The following DCAF4 variants were observed in gnomAD, a reference collection of about 807,000 sequenced individuals.
The protein encoded by DCAF4 is DDB1 and CUL4 associated factor 4.
A neutral mutation model predicts 60.9 loss-of-function variants in DCAF4; 37 were observed. The observed-to-expected ratio is 0.61, with a 90% confidence interval of 0.47 to 0.80. The LOEUF (loss-of-function observed/expected upper bound fraction) is 0.80. DCAF4 is among the 30% of genes least tolerant of loss of function. The pLI is 0.00. For missense variants in DCAF4, 577 were observed against 650.0 expected (o/e 0.89, Z 1.22); for synonymous variants, 243 against 254.8 (o/e 0.95, Z 0.44).
intron 13 of DCAF4, 58 bp from the exon 14 acceptor site, chr14:72,958,553 AG>A: frequency 6.3e-7 from 1 of 1,593,948 alleles, no homozygotes; most frequent in Non-Finnish European, 8.6e-7. Context: ...GTCCACATGT[AG>A]GTAAGTTTTC....
At chr14:72,940,557 C>T in intron 4 of DCAF4, 180 bp downstream of exon 4, 2 of 534,230 alleles carry the variant, frequency 3.7e-6, no homozygotes, top group Non-Finnish European at 6.2e-6. Flanking sequence ...CAAGAGCCCC[C>T]TTCTTCCATC....
chr14:72,927,228 C>A (rs997132766), intron 1 of DCAF4, among the ~76,000 whole-genome samples: 1 of 152,166 alleles, frequency 6.6e-6, no homozygotes, highest in African/African-American at 2.4e-5. Flanking sequence ...CTTGTGACTC[C>A]AGCAGCGCAG....
intron 12 of DCAF4, among the ~76,000 whole-genome samples, 183 bp downstream of exon 12, chr14:72,955,879 G>A (rs528558424): frequency 5.5e-5 from 8 of 146,314 alleles, no homozygotes; most frequent in South Asian, 2.2e-4. Flanking sequence ...CTAATCTGAC[G>A]TAAACAAAAG....
chr14:72,942,759 CTT>C (rs1186298580), intron 5 of DCAF4: 16 of 519,110 alleles, frequency 3.1e-5, no homozygotes, highest in Non-Finnish European at 5.6e-5. Flanking sequence ...AACTCCCACT[CTT>C]TGACTCTGCA....
chr14:72,940,404 G>C (rs1375474049), intron 4 of DCAF4, 27 bp downstream of exon 4: 1 of 1,587,942 alleles, frequency 6.3e-7, no homozygotes, highest in Admixed American at 1.9e-5. Context: ...TTCGCCCCCT[G>C]TCCTCTCCGC....
At chr14:72,935,202 T>G (rs182435291) in intron 1 of DCAF4, 12 of 152,280 alleles carry the variant, frequency 7.9e-5, no homozygotes, top group African/African-American at 2.4e-4. Context: ...GTCTTTGTCC[T>G]AGCCTTTAAA....
Position 72,951,884 on chromosome 14 carries a change from G to C in DCAF4, c.808+7G>C. On this transcript the variant is annotated splice_region_variant and intron_variant, in intron 9 of 13. Coordinates refer to ENST00000358377, the MANE Select transcript of DCAF4 (RefSeq NM_015604.4). ...TTCGTCAATAGTCACCCAGGTACAGGGTTCTCCTCCTTTAAAGAAATCTGT... is the reference window on the plus strand; with the variant it reads ...TTCGTCAATAGTCACCCAGGTACAGCGTTCTCCTCCTTTAAAGAAATCTGT... The C allele has an allele frequency of 6.2e-7, 1 of 1,614,100 alleles. No homozygotes were observed. The highest frequency in any genetic ancestry group is 1.1e-5 in the South Asian group (1 of 91,078).
chr14:72,933,139 T>TA (rs1019609880), intron 1 of DCAF4, among the ~76,000 whole-genome samples: 8 of 147,958 alleles, frequency 5.4e-5, no homozygotes, highest in Admixed American at 1.3e-4. Context: ...AGTAGCAGCC[T>TA]ACCCCTCCTT....
rs762408052 is a variant in DCAF4, at chr14:72,929,843, G to A, written c.-9+3300G>A. 1.5e-5 allele frequency: 21 copies of A among 1,425,436 alleles called. 1 individual carries two copies. Among genetic ancestry groups the A allele is most frequent in the South Asian group, 2.4e-5 (2 of 84,496 alleles). The allele number at this position is 1,425,436 out of a possible 1,614,324, so 88.3% of individuals were successfully genotyped here. On this transcript the variant is annotated intron_variant, in intron 1 of 13. Transcript: ENST00000358377. ...TTGGTGCGTTTGCTCAGACGCCCGC[G>A]GCGGCGGCTGTGCCTGGGCTTGCTC...
rs1555527975 is a variant in DCAF4, at chr14:72,953,826, G to GTA, written c.809-337_809-336insAT. On this transcript the variant is annotated intron_variant, in intron 9 of 13. Coordinates refer to ENST00000358377, the MANE Select transcript of DCAF4 (RefSeq NM_015604.4). Reference sequence around the variant, plus strand: ...TGTGTGTGTGTGTGTGTGTGTGTGTGTGTATATACACACACACTTGCCTGA... The same window carrying GTA: ...TGTGTGTGTGTGTGTGTGTGTGTGTGTATGTATATACACACACACTTGCCTGA... Among the ~76,000 whole-genome samples, 385 of 86,584 alleles carry GTA rather than the reference G, an allele frequency of 4.4e-3. 22 individuals carry two copies. The highest frequency in any genetic ancestry group is 0.016 in the African/African-American group (344 of 22,042). 56.8% of individuals were successfully genotyped at this position (86,584 alleles called of 152,430 possible). A position where few individuals can be genotyped will look rare whatever the true frequency, so the allele number is the denominator to read the frequency against.
At chr14:72,942,959 T>G (rs1430086496) in intron 5 of DCAF4, 35 bp from the exon 6 acceptor site, 2 of 1,599,780 alleles carry the variant, frequency 1.3e-6, no homozygotes, top group Non-Finnish European at 1.7e-6. Flanking sequence ...GGATGTCAGC[T>G]TCAGCATCCA....
At chr14:72,955,914 C>CTT (rs71109770) in intron 12 of DCAF4, among the ~76,000 whole-genome samples, 1,095 of 54,774 alleles carry the variant, frequency 0.02, 122 homozygotes, top group Non-Finnish European at 0.026. Flanking sequence ...TGGTTATGTC[C>CTT]TTTTTTTTTT....
At chr14:72,927,171 CT>C (rs930322727) in intron 1 of DCAF4, among the ~76,000 whole-genome samples, 5 of 152,306 alleles carry the variant, frequency 3.3e-5, no homozygotes, top group African/African-American at 1.2e-4. Context: ...TCCCCGGGGG[CT>C]TCAGAAACCA....
At chr14:72,949,709 A>G (rs906880099) in intron 8 of DCAF4, among the ~76,000 whole-genome samples, 12 of 152,214 alleles carry the variant, frequency 7.9e-5, no homozygotes, top group African/African-American at 2.9e-4. Context: ...GTGAGCCAAG[A>G]TTGCGCCACT....
chr14:72,951,765 T>G lies in DCAF4; in HGVS notation c.729-33T>G. 5 of 1,610,712 alleles carry G rather than the reference T, an allele frequency of 3.1e-6. No individual in the cohort carries two copies. In the South Asian group the frequency reaches 5.5e-5, roughly 18 times the overall value. ...CCATGCCTCCTCCCAGAGGGGAGCC[T>G]TGTGCCTAACTGTCCTTAACAGCTT... On this transcript the variant is annotated intron_variant, in intron 8 of 13. Transcript: ENST00000358377.
At chr14:72,940,587 A>ATT in intron 4 of DCAF4, 58 of 337,380 alleles carry the variant, frequency 1.7e-4, no homozygotes, top group Admixed American at 2.7e-4. Flanking sequence ...TTGTTCGATA[A>ATT]GTTGTTTTTT....
At chr14:72,951,746 C>T (rs1019366319) in intron 8 of DCAF4, 52 bp from the exon 9 acceptor site, 2 of 1,572,756 alleles carry the variant, frequency 1.3e-6, no homozygotes, top group African/African-American at 1.3e-5. Flanking sequence ...ATGTCCATGC[C>T]TCCTCCCAGA....
chr14:72,928,187 C>CTTTTTTTTTTTTTT (rs565229070), intron 1 of DCAF4, among the ~76,000 whole-genome samples: 4,998 of 67,106 alleles, frequency 0.074, 930 homozygotes, highest in Middle Eastern at 0.13. Flanking sequence ...AATCCCCCCA[C>CTTTTTTTTTTTTTT]TTTTTTTTTT....
chr14:72,954,475 G>T lies in DCAF4; in HGVS notation c.997G>T (p.Ala333Ser), dbSNP rs1338514137. 6.2e-7 allele frequency: 1 copy of T among 1,614,194 alleles called. No homozygotes were observed. The highest frequency in any genetic ancestry group is 8.5e-7 in the Non-Finnish European group (1 of 1,180,030). ...CAGTGATGTCTTGGCCCAGCAGTTT[G>T]CTCTCATGGTTGGTTGGATTGGGAC... ...TNSDVLAQQF[A>S]LMAPLLFNGC... Residue 333 changes from alanine (A) to serine (S), a missense_variant, in exon 11 of 14, where the codon GCT becomes TCT. Physicochemically the swap from Ala to Ser is moderately conservative, Grantham distance 99 (BLOSUM62 1). Transcript: ENST00000358377.
Sources: allele counts gnomAD v4.1 joint callset (sites outside exome capture counted in the v4.1 genomes callset), GRCh38; gene constraint gnomAD v4.1.1; transcripts MANE v1.5; gene names NCBI Gene and HGNC (gene_info 2026-07-23, HGNC 2026-07-21).